The following ERBB4 variants were observed in gnomAD, a reference collection of about 807,000 sequenced individuals.
The protein encoded by ERBB4 is erb-b2 receptor tyrosine kinase 4, also known as receptor tyrosine-protein kinase erbB-4.
A neutral mutation model predicts 158.0 loss-of-function variants in ERBB4; 42 were observed. That is an observed-to-expected ratio of 0.27 (90% CI 0.21 to 0.34). The LOEUF (loss-of-function observed/expected upper bound fraction) is 0.34. Among genes scored for constraint, ERBB4 ranks in the 10% least tolerant of loss-of-function variants. The pLI is 1.00. For synonymous variants in ERBB4, 583 were observed against 558.7 expected (o/e 1.04, Z -0.61); for missense variants, 1,333 against 1,624.1 (o/e 0.82, Z 3.08).
intron 1 of ERBB4, among the ~76,000 whole-genome samples, chr2:212,514,674 G>A (rs1039434304): frequency 3.9e-5 from 6 of 152,180 alleles, no homozygotes; most frequent in Admixed American, 6.5e-5. Flanking sequence ...GCATGGTGGC[G>A]TGCACCTGTA....
intron 1 of ERBB4, among the ~76,000 whole-genome samples, chr2:212,507,113 T>C (rs1158889942): frequency 2.0e-5 from 3 of 152,102 alleles, no homozygotes; most frequent in African/African-American, 7.2e-5. Context: ...GCCTGTGCTC[T>C]ATATGGAACA....
intron 2 of ERBB4, among the ~76,000 whole-genome samples, chr2:211,966,024 T>A (rs2081300948): frequency 6.6e-6 from 1 of 152,008 alleles, no homozygotes; most frequent in African/African-American, 2.4e-5. Flanking sequence ...CCAGCGTGGG[T>A]AACTCAGGGA....
chr2:211,640,835 T>G (rs2070554004), intron 16 of ERBB4, among the ~76,000 whole-genome samples: 2 of 152,086 alleles, frequency 1.3e-5, no homozygotes, highest in Admixed American at 6.6e-5. Context: ...GCAGCAAAAC[T>G]GATAAAAAGT....
chr2:212,390,029 T>C (rs2090807437), intron 1 of ERBB4, among the ~76,000 whole-genome samples: 1 of 151,766 alleles, frequency 6.6e-6, no homozygotes, highest in South Asian at 2.1e-4. Context: ...AGAGAGTAAA[T>C]GATTTTCCTC....
At chr2:212,043,599 A>T (rs2077190042) in intron 2 of ERBB4, among the ~76,000 whole-genome samples, 1 of 152,120 alleles carries the variant, frequency 6.6e-6, no homozygotes, top group Middle Eastern at 3.2e-3. Context: ...GTAAATAAGG[A>T]TCTTATATTG....
chr2:212,160,585 G>T lies in ERBB4; in HGVS notation c.83-35682C>A, dbSNP rs533427716. Among the ~76,000 whole-genome samples the T allele has an allele frequency of 1.1e-4, 17 of 152,062 alleles. No homozygotes were observed. The East Asian group carries it at 3.3e-3, about 29-fold the overall frequency. On this transcript the variant is annotated intron_variant, in intron 1 of 27. Coordinates refer to ENST00000342788, the MANE Select transcript of ERBB4 (RefSeq NM_005235.3). Reference sequence around the variant, plus strand: ...GTCTCTATGCCCACATTTTTATGACGCAGTCATGGTGTGGTTACAGTTTAG... The same window carrying T: ...GTCTCTATGCCCACATTTTTATGACTCAGTCATGGTGTGGTTACAGTTTAG...
chr2:211,543,560 T>TC (rs1367440481), intron 20 of ERBB4, among the ~76,000 whole-genome samples: 1 of 151,908 alleles, frequency 6.6e-6, no homozygotes, highest in Admixed American at 6.6e-5. Flanking sequence ...TGTGTAGGTG[T>TC]CCCCCAAAGT....
At chr2:211,545,602 A>G (rs1166642760) in intron 20 of ERBB4, among the ~76,000 whole-genome samples, 11 of 152,078 alleles carry the variant, frequency 7.2e-5, no homozygotes, top group Non-Finnish European at 1.6e-4. Flanking sequence ...TTAATCTACA[A>G]GGGACTTGAT....
chr2:212,085,665 G>C (rs1308225517), intron 2 of ERBB4, among the ~76,000 whole-genome samples: 1 of 151,850 alleles, frequency 6.6e-6, no homozygotes, highest in African/African-American at 2.4e-5. Flanking sequence ...AACTTTGAGA[G>C]TTGAGACTCT....
At chr2:212,259,280 A>T (rs902525214) in intron 1 of ERBB4, among the ~76,000 whole-genome samples, 7 of 152,192 alleles carry the variant, frequency 4.6e-5, no homozygotes, top group Non-Finnish European at 7.4e-5. Flanking sequence ...TCCATCTCAT[A>T]AATTATACTT....
intron 1 of ERBB4, among the ~76,000 whole-genome samples, chr2:212,463,840 A>G (rs1046352499): frequency 4.6e-5 from 7 of 152,178 alleles, no homozygotes; most frequent in African/African-American, 1.7e-4. Flanking sequence ...ATACATGGAA[A>G]GACATTGAGA....
chr2:211,805,974 G>T (rs1490648040), intron 3 of ERBB4, among the ~76,000 whole-genome samples: 2 of 151,630 alleles, frequency 1.3e-5, no homozygotes, highest in Non-Finnish European at 2.9e-5. Context: ...AAAAATAAAA[G>T]AAATAAAGGA....
intron 2 of ERBB4, among the ~76,000 whole-genome samples, chr2:212,068,909 A>G (rs974785789): frequency 1.3e-5 from 2 of 152,026 alleles, no homozygotes; most frequent in African/African-American, 4.8e-5. Context: ...TTTATCTAAG[A>G]ACGTAAATAT....
At chr2:211,980,467 C>T (rs2081757902) in intron 2 of ERBB4, among the ~76,000 whole-genome samples, 1 of 152,014 alleles carries the variant, frequency 6.6e-6, no homozygotes, top group South Asian at 2.1e-4. Flanking sequence ...TTTGCATTAC[C>T]TCATGTGTTT....
intron 19 of ERBB4, among the ~76,000 whole-genome samples, chr2:211,568,327 T>C (rs16846476): frequency 0.023 from 3,533 of 152,206 alleles, 120 homozygotes; most frequent in African/African-American, 0.071. Flanking sequence ...CTCTGAAGCA[T>C]GTATGTCAAG....
At chr2:211,426,504 G>C (rs1318174547) in intron 22 of ERBB4, among the ~76,000 whole-genome samples, 2 of 152,246 alleles carry the variant, frequency 1.3e-5, no homozygotes, top group East Asian at 1.9e-4. Context: ...TTTCAAAACA[G>C]AGTACTACCT....
chr2:211,471,967 C>A (rs1487006220), intron 20 of ERBB4, among the ~76,000 whole-genome samples: 3 of 152,044 alleles, frequency 2.0e-5, no homozygotes, highest in African/African-American at 7.2e-5. Flanking sequence ...CAGAGTGAGA[C>A]CCTGTCTCTT....
intron 20 of ERBB4, among the ~76,000 whole-genome samples, chr2:211,435,612 C>G (rs1025483863): frequency 6.6e-6 from 1 of 152,104 alleles, no homozygotes; most frequent in African/African-American, 2.4e-5. Flanking sequence ...AGATTAGCGG[C>G]GGCAGCATTA....
chr2:212,165,057 G>A (rs556361402), intron 1 of ERBB4, among the ~76,000 whole-genome samples: 35 of 151,918 alleles, frequency 2.3e-4, no homozygotes, highest in African/African-American at 7.5e-4. Flanking sequence ...CAAACATGCT[G>A]CGGTCGACTT....
Sources: gnomAD v4.1 joint callset for allele counts (sites outside exome capture counted in the v4.1 genomes callset) on GRCh38, gnomAD v4.1.1 for gene constraint, MANE v1.5 for transcripts, NCBI Gene and HGNC (gene_info 2026-07-23, HGNC 2026-07-21) for gene names.